Variants in MROH2A observed in about 807,000 individuals in gnomAD.
MROH2A encodes the protein maestro heat like repeat family member 2A, also known as maestro heat-like repeat-containing protein family member 2A.
In MROH2A, 174 loss-of-function variants were observed where a neutral mutation model predicts 200.4. The observed-to-expected ratio is 0.87, with a 90% CI of 0.77 to 0.98. The LOEUF (loss-of-function observed/expected upper bound fraction) is 0.98. MROH2A is among the 50% of genes least tolerant of loss of function. MROH2A has a pLI of 0.00. For synonymous variants in MROH2A, 829 were observed against 840.4 expected (o/e 0.99, Z 0.23); for missense variants, 2,045 against 2,139.6 (o/e 0.96, Z 0.87).
intron 15 of MROH2A, 31 bp from the exon 16 acceptor site, chr2:233,803,417 G>A (rs1702593504): frequency 1.3e-6 from 2 of 1,550,392 alleles, no homozygotes; most frequent in Non-Finnish European, 1.7e-6. Context: ...AGCCAGGAAG[G>A]CTCAGCTGGG....
chr2:233,818,518 G>T, intron 28 of MROH2A, 134 bp from the exon 29 acceptor site: 1 of 711,242 alleles, frequency 1.4e-6, no homozygotes, highest in Non-Finnish European at 2.6e-6. Flanking sequence ...GAGAGCAAAG[G>T]TCAGAACGCC....
chr2:233,817,525 C>T (rs1703621904), intron 27 of MROH2A, among the ~76,000 whole-genome samples: 1 of 152,172 alleles, frequency 6.6e-6, no homozygotes, highest in African/African-American at 2.4e-5. Flanking sequence ...GTCCAACACT[C>T]AGTAACATGT....
intron 4 of MROH2A, 83 bp downstream of exon 4, chr2:233,789,711 GC>G (rs2126099737): frequency 6.9e-7 from 1 of 1,451,716 alleles, no homozygotes; most frequent in East Asian, 2.5e-5. Flanking sequence ...GATGCCCACA[GC>G]CCTGTGCAGT....
At chr2:233,791,536 A>C (rs1701761554) in intron 5 of MROH2A, among the ~76,000 whole-genome samples, 1 of 151,780 alleles carries the variant, frequency 6.6e-6, no homozygotes, top group Non-Finnish European at 1.5e-5. Context: ...TGTGGCGCGG[A>C]GTTCAGAGGG....
At chr2:233,803,609 G>A in intron 16 of MROH2A, 121 bp downstream of exon 16, 1 of 1,035,182 alleles carries the variant, frequency 9.7e-7, no homozygotes, top group Non-Finnish European at 1.4e-6. Flanking sequence ...CAATGAGGGA[G>A]TTTGATGCTT....
At chr2:233,822,684 C>G (rs1251495990) in intron 33 of MROH2A, 128 bp downstream of exon 33, 1 of 1,177,842 alleles carries the variant, frequency 8.5e-7, no homozygotes, top group South Asian at 1.5e-5. Flanking sequence ...TGATCTTACT[C>G]AAAATGCCGT....
At chr2:233,821,628 A>G (rs1703943110) in intron 31 of MROH2A, among the ~76,000 whole-genome samples, 2 of 152,136 alleles carry the variant, frequency 1.3e-5, no homozygotes, top group South Asian at 4.1e-4. Context: ...GGACTTGGAA[A>G]CCAGGAAGGC....
At position 233,832,564 on chromosome 2, in the gene MROH2A, T is replaced by G. The variant is rs1323915173; in HGVS notation, c.4838-15T>G. 6.5e-7 allele frequency: 1 copy of G among 1,537,230 alleles called. No individual in the cohort carries two copies. Among genetic ancestry groups the G allele is most frequent in the Non-Finnish European group, 8.8e-7 (1 of 1,134,808 alleles). ...AATACTCGCGTGATGAGCATTTCTT[T>G]GGCTATTGTTTTAGGAATTATTATG... On this transcript the variant is annotated splice_polypyrimidine_tract_variant and intron_variant, in intron 40 of 41. Transcript: ENST00000389758.
At position 233,828,521 on chromosome 2, in the gene MROH2A, CT is replaced by C; in HGVS notation, c.4114-108del. 2 of 1,370,862 alleles carry C rather than the reference CT, an allele frequency of 1.5e-6. No individual in the cohort carries two copies. Among genetic ancestry groups the C allele is most frequent in the Non-Finnish European group, 2.0e-6 (2 of 1,016,134 alleles). 84.9% of individuals were successfully genotyped at this position (1,370,862 alleles called of 1,614,324 possible). A position where few individuals can be genotyped will look rare whatever the true frequency, so the allele number is the denominator to read the frequency against. Reference sequence around the variant, plus strand: ...AACGGAGGCTCTCAGAGCCCCTCCCCTCCTGTCCACAGAGCCACCAATCTGC... The same window carrying C: ...AACGGAGGCTCTCAGAGCCCCTCCCCCCTGTCCACAGAGCCACCAATCTGC... On this transcript the variant is annotated intron_variant, in intron 35 of 41. Transcript: ENST00000389758. This position sits in a 1 kb window ranked among gnomAD's most constrained non-coding sequence, Gnocchi z 4.6.
At chr2:233,791,631 G>C (rs1701767674) in intron 5 of MROH2A, among the ~76,000 whole-genome samples, 1 of 152,308 alleles carries the variant, frequency 6.6e-6, no homozygotes, top group East Asian at 1.9e-4. Context: ...TGAAAGTAGA[G>C]AGAGGACCCA....
At chr2:233,830,643 C>T (rs987318866) in intron 38 of MROH2A, among the ~76,000 whole-genome samples, 1 of 149,860 alleles carries the variant, frequency 6.7e-6, no homozygotes, top group African/African-American at 2.5e-5. Context: ...GTGGGATGGC[C>T]CTGGTGGCCC....
chr2:233,817,060 G>A (rs992684511), intron 27 of MROH2A, among the ~76,000 whole-genome samples, 175 bp downstream of exon 27: 18 of 152,148 alleles, frequency 1.2e-4, no homozygotes, highest in African/African-American at 3.9e-4. Flanking sequence ...GGGAGAGGGT[G>A]GGATTGTGGT....
rs377663399 is a variant in MROH2A, at chr2:233,786,282, G to C, written c.277-3215G>C. 3.9e-5 allele frequency among the ~76,000 whole-genome samples: 6 copies of C among 152,306 alleles called. No homozygotes were observed. In the South Asian group the frequency reaches 1.2e-3, roughly 32 times the overall value. ...TCAGGTATGTTTGCATTAGCAATGC[G>C]AGAACAGACTAATACAAGGTGCCAG... On this transcript the variant is annotated intron_variant, in intron 3 of 41. Coordinates refer to ENST00000389758, the MANE Select transcript of MROH2A (RefSeq NM_001394639.1).
rs2124858319 is a variant in MROH2A, at chr2:233,820,330, C to T, written c.3512+274C>T. On this transcript the variant is annotated intron_variant, in intron 31 of 41. Transcript: ENST00000389758. The surrounding 1 kb of genome is among the most constrained non-coding windows in gnomAD (Gnocchi z 4.1). The stretch of plus-strand genomic sequence containing the variant: ...GGACAGTGTCTGTGGAGTTCATTCT[C>T]TCCCAGAGTAGCCCTTTCCTTCCCT... 6.6e-6 allele frequency among the ~76,000 whole-genome samples: 1 copy of T among 152,338 alleles called. No individual in the cohort carries two copies. The highest frequency in any genetic ancestry group is 1.5e-5 in the Non-Finnish European group (1 of 68,018).
chr2:233,781,871 CT>C (rs1700972295), intron 3 of MROH2A, among the ~76,000 whole-genome samples: 3 of 152,160 alleles, frequency 2.0e-5, no homozygotes, highest in Admixed American at 1.3e-4. Context: ...GGATTTAAGT[CT>C]TTAATCCATT....
At position 233,810,583 on chromosome 2, in the gene MROH2A, C is replaced by T. The variant is rs76895192; in HGVS notation, c.2449-211C>T. Reference sequence around the variant, plus strand: ...TGGACCCAGGTGCTGCACCTCACCTCGTATCCCCGCCATGTGCCTGTGGCC... The same window carrying T: ...TGGACCCAGGTGCTGCACCTCACCTTGTATCCCCGCCATGTGCCTGTGGCC... On this transcript the variant is annotated intron_variant, in intron 22 of 41. Coordinates refer to ENST00000389758, the MANE Select transcript of MROH2A (RefSeq NM_001394639.1). Among the ~76,000 whole-genome samples, 1,143 of 152,356 alleles carry T rather than the reference C, an allele frequency of 7.5e-3. 12 individuals carry two copies. The highest frequency in any genetic ancestry group is 0.031 in the Middle Eastern group (9 of 294).
rs770830505 is a variant in MROH2A, at chr2:233,807,804, C to T, written c.2244C>T (p.Phe748=). The T allele has an allele frequency of 7.4e-5, 114 of 1,550,756 alleles. No individual in the cohort carries two copies. The Admixed American group carries it at 9.6e-4, about 13-fold the overall frequency. The change falls in exon 21 of 42, where the codon TTC becomes TTT. Residue 748 remains phenylalanine, a synonymous_variant. Transcript: ENST00000389758. This position sits in a 1 kb window ranked among gnomAD's most constrained non-coding sequence, Gnocchi z 4.3. The part of the protein sequence containing the change: ...VKTVLNVLHD[F]EERIQESEQS... ...CGGTGCTGAATGTGCTTCATGACTTCGAGGAGAGGATCCAGGAGTCAGAGC... is the reference window on the plus strand; with the variant it reads ...CGGTGCTGAATGTGCTTCATGACTTTGAGGAGAGGATCCAGGAGTCAGAGC...
At chr2:233,781,213 C>T (rs1700940576) in intron 3 of MROH2A, among the ~76,000 whole-genome samples, 1 of 152,154 alleles carries the variant, frequency 6.6e-6, no homozygotes. Context: ...GCAGCTATCT[C>T]TTAGATATAT....
intron 3 of MROH2A, among the ~76,000 whole-genome samples, chr2:233,787,476 A>G (rs1439333881): frequency 7.4e-6 from 1 of 134,368 alleles, no homozygotes; most frequent in African/African-American, 2.8e-5. Context: ...ATACACATAT[A>G]CATATATAAT....
Sources: allele counts gnomAD v4.1 joint callset (sites outside exome capture counted in the v4.1 genomes callset), GRCh38; gene constraint gnomAD v4.1.1; non-coding constraint Gnocchi (gnomAD v3.1); transcripts MANE v1.5; gene names NCBI Gene and HGNC (gene_info 2026-07-23, HGNC 2026-07-21).